DPP10: variants seen among roughly 807,000 people sequenced by gnomAD.
The protein encoded by DPP10 is inactive dipeptidyl peptidase 10.
DPP10 carries 33 observed loss-of-function variants against 120.9 expected under a neutral mutation model. The ratio of observed to expected loss-of-function variants is 0.27; its 90% CI spans 0.21 to 0.37. The LOEUF (loss-of-function observed/expected upper bound fraction) is 0.37. DPP10 is among the 10% of genes least tolerant of loss of function. DPP10 has a pLI of 1.00. For missense variants in DPP10, 816 were observed against 942.8 expected, an observed-to-expected ratio of 0.87 and a Z score of 1.76; for synonymous variants, 337 against 326.1, an observed-to-expected ratio of 1.03 and a Z score of -0.36.
intron 1 of DPP10, among the ~76,000 whole-genome samples, chr2:115,000,794 G>A (rs563701746): frequency 7.8e-4 from 119 of 152,054 alleles, no homozygotes; most frequent in African/African-American, 2.8e-3. Flanking sequence ...GTTCCTTAAG[G>A]CACTAAAAAA....
intron 5 of DPP10, among the ~76,000 whole-genome samples, chr2:115,550,411 A>G (rs976336686): frequency 2.0e-5 from 3 of 152,124 alleles, no homozygotes; most frequent in African/African-American, 7.2e-5. Context: ...TCAGAATGAC[A>G]GCTATAATGA....
chr2:115,777,884 A>C (rs1332774249), intron 15 of DPP10, 50 bp downstream of exon 15: 1 of 1,578,312 alleles, frequency 6.3e-7, no homozygotes, highest in Non-Finnish European at 8.7e-7. Flanking sequence ...CTCAATGGCT[A>C]TCTATGTAGC....
intron 1 of DPP10, among the ~76,000 whole-genome samples, chr2:114,557,976 G>A (rs959712766): frequency 4.6e-5 from 7 of 152,108 alleles, no homozygotes; most frequent in African/African-American, 7.2e-5. Flanking sequence ...CTCAGCACTA[G>A]ATTTTATCAT....
intron 3 of DPP10, among the ~76,000 whole-genome samples, chr2:115,421,687 A>G (rs1222180891): frequency 6.6e-6 from 1 of 151,942 alleles, no homozygotes. Flanking sequence ...CCTGGCTAAC[A>G]TGGTGAAACC....
chr2:115,313,995 A>C (rs545515875), intron 2 of DPP10, among the ~76,000 whole-genome samples: 1 of 152,238 alleles, frequency 6.6e-6, no homozygotes, highest in Non-Finnish European at 1.5e-5. Context: ...ATGAGTGTAC[A>C]TTAATGCTTA....
At chr2:114,797,677 A>G (rs575482656) in intron 1 of DPP10, among the ~76,000 whole-genome samples, 1 of 152,358 alleles carries the variant, frequency 6.6e-6, no homozygotes, top group East Asian at 1.9e-4. Flanking sequence ...TGATGTAAAG[A>G]AATGACTTCA....
chr2:115,399,216 C>G (rs1363606550), intron 3 of DPP10, among the ~76,000 whole-genome samples: 4 of 152,088 alleles, frequency 2.6e-5, no homozygotes, highest in Non-Finnish European at 5.9e-5. Flanking sequence ...TTTATTTTAA[C>G]TATGTTGCAG....
chr2:115,382,170 T>C (rs1416100747), intron 3 of DPP10, among the ~76,000 whole-genome samples: 1 of 152,174 alleles, frequency 6.6e-6, no homozygotes, highest in Non-Finnish European at 1.5e-5. Flanking sequence ...ACTGCCACCT[T>C]GCAGTTTGAT....
chr2:115,359,744 T>C lies in DPP10; in HGVS notation c.271+15832T>C, dbSNP rs114317953. 4.2e-3 allele frequency among the ~76,000 whole-genome samples: 645 copies of C among 152,292 alleles called. 1 individual carries two copies. Among genetic ancestry groups the C allele is most frequent in the African/African-American group, 0.015 (615 of 41,584 alleles). ...GCTTACTCTCTTTCTCTCACAGGAA[T>C]GCTATTGCATAATAGGCTTGGTTTA... On this transcript the variant is annotated intron_variant, in intron 3 of 25. Coordinates refer to ENST00000410059, the MANE Select transcript of DPP10 (RefSeq NM_020868.6).
intron 1 of DPP10, among the ~76,000 whole-genome samples, chr2:114,505,400 G>T (rs1213307983): frequency 6.6e-6 from 1 of 151,640 alleles, no homozygotes; most frequent in African/African-American, 2.4e-5. Flanking sequence ...AGTCTCTGGT[G>T]ATTAGAGTGT....
At chr2:114,995,536 G>A (rs1701024576) in intron 1 of DPP10, among the ~76,000 whole-genome samples, 1 of 152,160 alleles carries the variant, frequency 6.6e-6, no homozygotes, top group African/African-American at 2.4e-5. Flanking sequence ...CCTCTTTAGA[G>A]TAATCAACAT....
chr2:115,653,222 C>G (rs114885800), intron 5 of DPP10, among the ~76,000 whole-genome samples: 1 of 151,318 alleles, frequency 6.6e-6, no homozygotes, highest in Admixed American at 6.6e-5. Flanking sequence ...AAAGTAAAGC[C>G]GGGGATATGA....
At position 115,379,134 on chromosome 2, in the gene DPP10, T is replaced by C. The variant is rs1346506408; in HGVS notation, c.271+35222T>C. ...ATAGTTTCAGAAGGAATGGTACCAG[T>C]TCCTCCTTGTACCTCTGGTAGAATT... On this transcript the variant is annotated intron_variant, in intron 3 of 25. Coordinates refer to ENST00000410059, the MANE Select transcript of DPP10 (RefSeq NM_020868.6). 3.9e-5 allele frequency among the ~76,000 whole-genome samples: 6 copies of C among 152,256 alleles called. No homozygotes were observed. In the East Asian group the frequency reaches 5.8e-4, roughly 15 times the overall value.
chr2:115,199,030 C>A (rs567454780), intron 1 of DPP10, among the ~76,000 whole-genome samples: 1 of 152,072 alleles, frequency 6.6e-6, no homozygotes, highest in East Asian at 1.9e-4. Flanking sequence ...ATGGTAGAGG[C>A]TAATCATGAT....
intron 1 of DPP10, among the ~76,000 whole-genome samples, chr2:114,721,960 G>C (rs1701728268): frequency 6.6e-6 from 1 of 152,154 alleles, no homozygotes. Context: ...TTAACAGCAA[G>C]TACATTATAG....
intron 5 of DPP10, among the ~76,000 whole-genome samples, chr2:115,543,748 G>C (rs537978984): frequency 6.6e-6 from 1 of 152,022 alleles, no homozygotes; most frequent in African/African-American, 2.4e-5. Context: ...ATTGCTTTTG[G>C]TTATGTGTGA....
intron 1 of DPP10, among the ~76,000 whole-genome samples, chr2:114,977,274 A>G (rs1699812592): frequency 6.6e-6 from 1 of 152,134 alleles, no homozygotes; most frequent in Non-Finnish European, 1.5e-5. Context: ...GCAAAGTTAT[A>G]TGCCATTTTT....
chr2:115,356,459 G>A lies in DPP10; in HGVS notation c.271+12547G>A, dbSNP rs569067844. 5.7e-4 allele frequency among the ~76,000 whole-genome samples: 87 copies of A among 152,206 alleles called. 1 individual carries two copies. The highest frequency in any genetic ancestry group is 4.1e-3 in the South Asian group (20 of 4,826). ...ATCAGCTTAAGGAGTTTTGGGCTGA[G>A]ATGATGGAGTTTTCTAAATGTAGAT... is the stretch of plus-strand genomic sequence containing the variant. On this transcript the variant is annotated intron_variant, in intron 3 of 25. Transcript: ENST00000410059.
intron 1 of DPP10, among the ~76,000 whole-genome samples, chr2:115,107,071 T>A (rs1216528388): frequency 6.8e-6 from 1 of 146,720 alleles, no homozygotes; most frequent in Admixed American, 6.8e-5. Flanking sequence ...CTAGGCTCTG[T>A]CTCAAAAAAA....
Sources: gnomAD v4.1 joint callset for allele counts (sites outside exome capture counted in the v4.1 genomes callset) on GRCh38, gnomAD v4.1.1 for gene constraint, MANE v1.5 for transcripts, NCBI Gene and HGNC (gene_info 2026-07-23, HGNC 2026-07-21) for gene names.